Variants in NEB observed in about 807,000 individuals in gnomAD.
NEB encodes nebulin, also known as nemaline myopathy type 2.
NEB carries 512 observed loss-of-function variants against 952.2 expected under a neutral mutation model. The ratio of observed to expected loss-of-function variants is 0.54; its 90% CI spans 0.50 to 0.58. The LOEUF (loss-of-function observed/expected upper bound fraction) is 0.58. NEB is among the 20% of genes least tolerant of loss of function. The pLI is 0.00. For synonymous variants in NEB, 2,900 were observed against 3,149.8 expected, an observed-to-expected ratio of 0.92 and a Z score of 2.66; for missense variants, 8,428 against 9,231.1, an observed-to-expected ratio of 0.91 and a Z score of 3.56.
At chr2:151,489,226 A>G (rs1255361958) in intron 181 of NEB, among the ~76,000 whole-genome samples, 2 of 152,192 alleles carry the variant, frequency 1.3e-5, no homozygotes, top group Non-Finnish European at 1.5e-5. Flanking sequence ...GTTCATATCA[A>G]TCCTAAAGTA....
intron 157 of NEB, 71 bp from the exon 158 acceptor site, chr2:151,514,999 AG>A: frequency 1.0e-6 from 1 of 978,388 alleles, no homozygotes; most frequent in Non-Finnish European, 1.5e-6. Flanking sequence ...CATCTCAGGA[AG>A]AAAAAAAAAA....
At chr2:151,614,895 T>C (rs1475201234) in intron 76 of NEB, among the ~76,000 whole-genome samples, 1 of 152,182 alleles carries the variant, frequency 6.6e-6, no homozygotes, top group Admixed American at 6.5e-5. Context: ...TAGAGGTAAA[T>C]ATATTGTACA....
At chr2:151,638,577 C>G (rs1452306253) in intron 63 of NEB, among the ~76,000 whole-genome samples, 2 of 152,182 alleles carry the variant, frequency 1.3e-5, no homozygotes, top group African/African-American at 4.8e-5. Context: ...CATAAATTTT[C>G]CAGAACGAAT....
intron 176 of NEB, 59 bp downstream of exon 176, chr2:151,493,294 G>T: frequency 7.8e-7 from 1 of 1,289,602 alleles, no homozygotes; most frequent in South Asian, 1.3e-5. Flanking sequence ...GTGTTTTTAT[G>T]ATGTTAAAAT....
chr2:151,496,470 C>A, intron 172 of NEB, 102 bp from the exon 173 acceptor site: 2 of 1,470,436 alleles, frequency 1.4e-6, no homozygotes, highest in South Asian at 2.6e-5. Flanking sequence ...AAAACACAGT[C>A]GTCCAAGGAG....
Position 151,567,252 on chromosome 2 carries a change from A to G in NEB, c.18072T>C (p.Tyr6024=). Residue 6024 remains tyrosine, a synonymous_variant, in exon 114 of 182, where the codon TAT becomes TAC. Transcript: ENST00000397345. ...QGQTLVSDID[Y]RNYLHQWMCH... Reference sequence around the variant, plus strand: ...ACATCCATTGGTGCAAGTAATTACGATAATCAATATCACTGACAAGGGTCT... The same window carrying G: ...ACATCCATTGGTGCAAGTAATTACGGTAATCAATATCACTGACAAGGGTCT... The G allele has an allele frequency of 6.2e-7, 1 of 1,613,914 alleles. No individual in the cohort carries two copies. The highest frequency in any genetic ancestry group is 8.5e-7 in the Non-Finnish European group (1 of 1,179,836).
chr2:151,696,443 A>T (rs1228034235), intron 17 of NEB, among the ~76,000 whole-genome samples, 194 bp downstream of exon 17: 1 of 152,230 alleles, frequency 6.6e-6, no homozygotes, highest in Non-Finnish European at 1.5e-5. Context: ...TTTCCTTCAC[A>T]GAATTGTTTC....
chr2:151,544,599 G>A lies in NEB; in HGVS notation c.20577+1289C>T, dbSNP rs529989952. 6.6e-5 allele frequency among the ~76,000 whole-genome samples: 10 copies of A among 152,292 alleles called. No individual in the cohort carries two copies. The East Asian group carries it at 7.7e-4, about 12-fold the overall frequency. Reference sequence around the variant, plus strand: ...AGCGTTCTAGTCTGAGTGCGAGTGCGGGCTGAAATAACACAGTGAAGCTTT... The same window carrying A: ...AGCGTTCTAGTCTGAGTGCGAGTGCAGGCTGAAATAACACAGTGAAGCTTT... On this transcript the variant is annotated intron_variant, in intron 135 of 181. Transcript: ENST00000397345.
Position 151,619,649 on chromosome 2 carries a change from G to A in NEB, c.10674C>T (p.Asp3558=). 1 of 1,613,968 alleles carries A rather than the reference G, an allele frequency of 6.2e-7. No individual in the cohort carries two copies. The highest frequency in any genetic ancestry group is 1.6e-4 in the Middle Eastern group (1 of 6,062). The part of the protein sequence containing the change: ...WSLHIAKVQS[D]REYKKDFEKY... ...TCTCAAAATCTTTCTTGTACTCACGGTCACTCTGCACTTTGGCAATGTGGA... is the reference window on the plus strand; with the variant it reads ...TCTCAAAATCTTTCTTGTACTCACGATCACTCTGCACTTTGGCAATGTGGA... The change falls in exon 73 of 182, where the codon GAC becomes GAT. Residue 3558 remains aspartate (D), a synonymous_variant. Transcript: ENST00000397345.
Position 151,625,573 on chromosome 2 carries a change from T to C in NEB, c.10413A>G (p.Glu3471=), listed in dbSNP as rs1165676766. 2.5e-6 allele frequency: 4 copies of C among 1,606,380 alleles called. No homozygotes were observed. Among genetic ancestry groups the C allele is most frequent in the Non-Finnish European group, 3.4e-6 (4 of 1,174,776 alleles). ...TQVHIMPDTP[E]IMLARQNKIN... Reference sequence around the variant, plus strand: ...TTTTATTTTGTCTTGCCAACATGATTTCAGGTGTATCAGGCATAATATGGA... The same window carrying C: ...TTTTATTTTGTCTTGCCAACATGATCTCAGGTGTATCAGGCATAATATGGA... The change falls in exon 71 of 182, where the codon GAA becomes GAG. Residue 3471 remains glutamate, a synonymous_variant. Transcript: ENST00000397345.
chr2:151,707,425 A>G (rs922648002), intron 12 of NEB, among the ~76,000 whole-genome samples: 1 of 152,158 alleles, frequency 6.6e-6, no homozygotes, highest in South Asian at 2.1e-4. Flanking sequence ...ACACGCTCCT[A>G]AAGAAAGGAA....
chr2:151,563,616 A>G lies in NEB; in HGVS notation c.18683T>C (p.Met6228Thr). Reference sequence around the variant, plus strand: ...TGGACATTTACTTACCGCACTCCTCATCTTTTGGAAATCCAGACAGTGAAC... The same window carrying G: ...TGGACATTTACTTACCGCACTCCTCGTCTTTTGGAAATCCAGACAGTGAAC... ...GVVHCLDFQKMRSALNYRKHY... is the reference protein window; with the variant it reads ...GVVHCLDFQKTRSALNYRKHY... The change falls in exon 119 of 182, where the codon ATG becomes ACG. Residue 6228 changes from methionine to threonine, a missense_variant. Physicochemically the swap from Met to Thr is moderately conservative, Grantham distance 81. Coordinates refer to ENST00000397345, the MANE Select transcript of NEB (RefSeq NM_001164508.2). 6.2e-7 allele frequency: 1 copy of G among 1,613,602 alleles called. No individual in the cohort carries two copies. The highest frequency in any genetic ancestry group is 1.1e-5 in the South Asian group (1 of 91,080).
intron 35 of NEB, 54 bp downstream of exon 35, chr2:151,675,233 C>A: frequency 8.0e-7 from 1 of 1,252,388 alleles, no homozygotes; most frequent in South Asian, 1.3e-5. Flanking sequence ...CTCTTAAAGT[C>A]TATAATTTTA....
chr2:151,499,785 A>G (rs529425164), intron 168 of NEB, among the ~76,000 whole-genome samples: 6 of 152,350 alleles, frequency 3.9e-5, no homozygotes, highest in African/African-American at 7.2e-5. Context: ...TAACAGGCCA[A>G]ATCTATGCAA....
intron 3 of NEB, among the ~76,000 whole-genome samples, chr2:151,731,068 A>C (rs2099806657): frequency 6.6e-6 from 1 of 152,146 alleles, no homozygotes; most frequent in Non-Finnish European, 1.5e-5. Context: ...AGTCACACAA[A>C]ACATCAGTGG....
chr2:151,638,476 G>A (rs1253999553), intron 63 of NEB, among the ~76,000 whole-genome samples: 2 of 152,176 alleles, frequency 1.3e-5, no homozygotes, highest in African/African-American at 2.4e-5. Flanking sequence ...TCCATCTCTG[G>A]GGGTTGGCAC....
rs1301841741 is a variant in NEB, at chr2:151,529,298, ACTT to A, written c.21644_21646del (p.Glu7215del). The A allele has an allele frequency of 6.2e-7, 1 of 1,610,578 alleles. No individual in the cohort carries two copies. Among genetic ancestry groups the A allele is most frequent in the Admixed American group, 1.7e-5 (1 of 60,026 alleles). On this transcript the variant is annotated inframe_deletion, in exon 146 of 182. Transcript: ENST00000397345. ...GCAGTTGGATTTATTTCTTTGGTATACTTCTTTGTATTTCAGCTGTGGGAGGAA... is the reference window on the plus strand; with the variant it reads ...GCAGTTGGATTTATTTCTTTGGTATACTTTGTATTTCAGCTGTGGGAGGAA...
At chr2:151,675,720 A>G (rs2099354240) in intron 34 of NEB, among the ~76,000 whole-genome samples, 1 of 152,200 alleles carries the variant, frequency 6.6e-6, no homozygotes, top group Non-Finnish European at 1.5e-5. Context: ...GTGAGTTAAT[A>G]GCTCTTCCAT....
At chr2:151,730,388 CT>C (rs1461161504) in intron 3 of NEB, among the ~76,000 whole-genome samples, 1 of 152,014 alleles carries the variant, frequency 6.6e-6, no homozygotes, top group Non-Finnish European at 1.5e-5. Flanking sequence ...CATGATGGAT[CT>C]GCAGCCTGGA....
Sources: allele counts gnomAD v4.1 joint callset (sites outside exome capture counted in the v4.1 genomes callset), GRCh38; gene constraint gnomAD v4.1.1; transcripts MANE v1.5; gene names NCBI Gene and HGNC (gene_info 2026-07-23, HGNC 2026-07-21).